PDCD1LG2: variants seen among roughly 807,000 people sequenced by gnomAD.
The protein encoded by PDCD1LG2 is programmed cell death 1 ligand 2, also known as B7 dendritic cell molecule.
In PDCD1LG2, 32 loss-of-function variants were observed where a neutral mutation model predicts 28.2. The ratio of observed to expected loss-of-function variants is 1.13; its 90% confidence interval spans 0.86 to 1.52. The LOEUF (loss-of-function observed/expected upper bound fraction) is 1.52, where lower values mean the gene tolerates loss of function less well. PDCD1LG2 is among the 40% of genes most tolerant of loss of function. The probability of loss-of-function intolerance (pLI) is 0.00; values close to 1 mark genes in which losing one functional copy is unlikely to be tolerated. For missense variants in PDCD1LG2, 385 were observed against 323.8 expected (o/e 1.19, Z -1.45); for synonymous variants, 116 against 120.2 (o/e 0.97, Z 0.23).
At chr9:5,567,388 T>G (rs1373162938) in intron 6 of PDCD1LG2, among the ~76,000 whole-genome samples, 1 of 152,246 alleles carries the variant, frequency 6.6e-6, no homozygotes, top group Non-Finnish European at 1.5e-5. Context: ...TTTCCATTTG[T>G]GGAAGTTGTT....
intron 2 of PDCD1LG2, among the ~76,000 whole-genome samples, chr9:5,528,597 A>G (rs1489280404): frequency 6.6e-6 from 1 of 151,086 alleles, no homozygotes; most frequent in African/African-American, 2.4e-5. Flanking sequence ...AAGCCACTGC[A>G]CCTGGCCTTA....
chr9:5,543,506 T>G (rs1820730134), intron 3 of PDCD1LG2, among the ~76,000 whole-genome samples: 1 of 127,514 alleles, frequency 7.8e-6, no homozygotes, highest in African/African-American at 3.1e-5. Flanking sequence ...ACCACTGCAC[T>G]CCAGCCTGGG....
chr9:5,523,448 G>C (rs1820315334), intron 2 of PDCD1LG2, among the ~76,000 whole-genome samples: 1 of 152,182 alleles, frequency 6.6e-6, no homozygotes, highest in Admixed American at 6.5e-5. Flanking sequence ...CTTTCGAAGA[G>C]CTTTCTCCTC....
chr9:5,541,717 A>T (rs1213243516), intron 3 of PDCD1LG2, among the ~76,000 whole-genome samples: 1 of 152,188 alleles, frequency 6.6e-6, no homozygotes, highest in Non-Finnish European at 1.5e-5. Flanking sequence ...AATAGGTACA[A>T]TCAATATTGT....
intron 1 of PDCD1LG2, among the ~76,000 whole-genome samples, chr9:5,517,081 T>A (rs1586790505): frequency 6.6e-6 from 1 of 152,326 alleles, no homozygotes; most frequent in South Asian, 2.1e-4. Context: ...GCTATGATTG[T>A]GCCACTGACT....
At chr9:5,552,326 G>T (rs769204837) in intron 4 of PDCD1LG2, among the ~76,000 whole-genome samples, 29 of 152,136 alleles carry the variant, frequency 1.9e-4, no homozygotes, top group Non-Finnish European at 3.7e-4. Context: ...AGGTGGCCAG[G>T]CCAGTAGCAG....
chr9:5,516,122 G>C (rs1427373260), intron 1 of PDCD1LG2, among the ~76,000 whole-genome samples: 1 of 151,706 alleles, frequency 6.6e-6, no homozygotes, highest in Admixed American at 6.6e-5. Flanking sequence ...CGCAATCTCG[G>C]CTCACTGCAA....
intron 3 of PDCD1LG2, among the ~76,000 whole-genome samples, chr9:5,539,439 T>A (rs1820647240): frequency 6.6e-6 from 1 of 152,204 alleles, no homozygotes; most frequent in African/African-American, 2.4e-5. Context: ...TGGGTTTGTT[T>A]ATAGCACCTT....
intron 3 of PDCD1LG2, among the ~76,000 whole-genome samples, chr9:5,539,540 G>C (rs770979935): frequency 2.0e-5 from 3 of 152,236 alleles, no homozygotes; most frequent in Non-Finnish European, 4.4e-5. Flanking sequence ...AATGACCGGA[G>C]ATTCTGGAAG....
chr9:5,553,059 A>G (rs1283742307), intron 4 of PDCD1LG2, among the ~76,000 whole-genome samples: 2 of 152,036 alleles, frequency 1.3e-5, no homozygotes, highest in Non-Finnish European at 2.9e-5. Context: ...GTGAGCTACA[A>G]TTGTGCCATT....
intron 2 of PDCD1LG2, among the ~76,000 whole-genome samples, chr9:5,527,219 G>C (rs980161484): frequency 1.3e-5 from 2 of 152,076 alleles, no homozygotes; most frequent in Admixed American, 6.5e-5. Context: ...AAAGTCTTAT[G>C]AATTTTAACA....
chr9:5,514,167 A>C (rs182523177), intron 1 of PDCD1LG2, among the ~76,000 whole-genome samples: 4 of 152,344 alleles, frequency 2.6e-5, no homozygotes, highest in East Asian at 3.9e-4. Flanking sequence ...CTTCCATAGA[A>C]TGTCTATGCC....
intron 4 of PDCD1LG2, among the ~76,000 whole-genome samples, chr9:5,554,695 T>C (rs932081186): frequency 1.3e-5 from 2 of 152,186 alleles, no homozygotes; most frequent in African/African-American, 2.4e-5. Flanking sequence ...GGAAATGGAA[T>C]GGGACTACAG....
In PDCD1LG2 at chr9:5,557,207, G is replaced by C. The variant is rs138910518; in HGVS notation, c.632-411G>C. ...GAGAGAGAGGATGAGGAGGAGAAGG[G>C]GGATAGGGAGGAAAAAGAGAAAAAA... On this transcript the variant is annotated intron_variant, in intron 4 of 6. Coordinates refer to ENST00000397747, the MANE Select transcript of PDCD1LG2 (RefSeq NM_025239.4). Among the ~76,000 whole-genome samples the C allele has an allele frequency of 2.9e-3, 436 of 152,086 alleles. 4 individuals are homozygous for C. Among genetic ancestry groups the C allele is most frequent in the African/African-American group, 9.9e-3 (410 of 41,462 alleles).
intron 2 of PDCD1LG2, among the ~76,000 whole-genome samples, chr9:5,525,691 A>G (rs1390759140): frequency 6.6e-6 from 1 of 152,138 alleles, no homozygotes; most frequent in African/African-American, 2.4e-5. Flanking sequence ...ACATAGCACA[A>G]TGTCCTTTTC....
intron 4 of PDCD1LG2, among the ~76,000 whole-genome samples, chr9:5,552,045 AGGGT>A (rs1414420555): frequency 2.6e-5 from 4 of 152,204 alleles, no homozygotes; most frequent in Admixed American, 6.5e-5. Flanking sequence ...TTTGCCTGAT[AGGGT>A]GACCCAGACT....
chr9:5,534,168 G>A (rs1694702550), intron 2 of PDCD1LG2, among the ~76,000 whole-genome samples: 1 of 152,050 alleles, frequency 6.6e-6, no homozygotes, highest in Non-Finnish European at 1.5e-5. Context: ...CGATGTGTTA[G>A]CAGAGTGTCT....
Position 5,527,399 on chromosome 9 carries a change from G to A in PDCD1LG2, c.55+4798G>A, listed in dbSNP as rs745523274. ...CTTTTCCAGAATGTCATATAAATGGGATCATTCATTAGATATCCTTTTGTA... is the reference window on the plus strand; with the variant it reads ...CTTTTCCAGAATGTCATATAAATGGAATCATTCATTAGATATCCTTTTGTA... On this transcript the variant is annotated intron_variant, in intron 2 of 6. Coordinates refer to ENST00000397747, the MANE Select transcript of PDCD1LG2 (RefSeq NM_025239.4). Among the ~76,000 whole-genome samples, 29 of 152,086 alleles carry A rather than the reference G, an allele frequency of 1.9e-4. 1 individual carries two copies. Among genetic ancestry groups the A allele is most frequent in the Non-Finnish European group, 3.7e-4 (25 of 68,000 alleles).
intron 1 of PDCD1LG2, among the ~76,000 whole-genome samples, chr9:5,519,735 A>C (rs1241948440): frequency 2.0e-5 from 3 of 152,162 alleles, no homozygotes; most frequent in Non-Finnish European, 4.4e-5. Context: ...ATTTCAAACC[A>C]AATCTACAAC....
Sources: gnomAD v4.1 joint callset for allele counts (sites outside exome capture counted in the v4.1 genomes callset) on GRCh38, gnomAD v4.1.1 for gene constraint, MANE v1.5 for transcripts, NCBI Gene and HGNC (gene_info 2026-07-23, HGNC 2026-07-21) for gene names.